The following SPATA31H1 variants were observed in gnomAD, a reference collection of about 807,000 sequenced individuals.
The protein encoded by SPATA31H1 is spermatogenesis-associated protein 31H1.
the SPATA31H1 span, chr2:27,566,970 T>G: frequency 8.1e-5 from 58 of 717,450 alleles, no homozygotes; most frequent in Non-Finnish European, 1.4e-4. Context: ...TTTACCTATT[T>G]CCCACAAAAA....
At chr2:27,544,181 G>A in the SPATA31H1 span, among the ~76,000 whole-genome samples, 1 of 152,058 alleles carries the variant, frequency 6.6e-6, no homozygotes, top group Non-Finnish European at 1.5e-5. Context: ...GTAATAAAAA[G>A]CTTTTTTGTT....
At chr2:27,582,522 C>A in the SPATA31H1 span, 1 of 1,597,560 alleles carries the variant, frequency 6.3e-7, no homozygotes, top group South Asian at 1.1e-5. Flanking sequence ...TGAAGCTACT[C>A]GATGAGGCGA....
At chr2:27,575,046 G>T in the SPATA31H1 span, 9 of 398,448 alleles carry the variant, frequency 2.3e-5, no homozygotes, top group African/African-American at 1.9e-4. This position sits in a 1 kb window ranked among gnomAD's most constrained non-coding sequence, Gnocchi z 4.1. Context: ...ACAGTTACAA[G>T]ATAGAAAATT....
At chr2:27,567,859 G>A in the SPATA31H1 span, 14 of 398,970 alleles carry the variant, frequency 3.5e-5, no homozygotes, top group African/African-American at 2.3e-4. Flanking sequence ...GCACTACTTC[G>A]GGTCATGGAT....
chr2:27,575,321 C>A, the SPATA31H1 span: 1 of 398,506 alleles, frequency 2.5e-6, no homozygotes, highest in Non-Finnish European at 4.4e-6. This position sits in a 1 kb window ranked among gnomAD's most constrained non-coding sequence, Gnocchi z 4.1. Flanking sequence ...CATGGCCAGA[C>A]CTTCAAAGTG....
chr2:27,553,858 G>C, the SPATA31H1 span, among the ~76,000 whole-genome samples: 1 of 151,852 alleles, frequency 6.6e-6, no homozygotes, highest in Admixed American at 6.6e-5. Context: ...GGAGGCGGAG[G>C]TTGCAGTGAG....
the SPATA31H1 span, among the ~76,000 whole-genome samples, chr2:27,561,855 C>G: frequency 6.6e-6 from 1 of 152,180 alleles, no homozygotes; most frequent in Non-Finnish European, 1.5e-5. Context: ...TGTGCCACCA[C>G]GCCCAGCTAG....
At chr2:27,582,660 G>C in the SPATA31H1 span, 9 of 848,226 alleles carry the variant, frequency 1.1e-5, no homozygotes, top group Middle Eastern at 3.2e-4. Flanking sequence ...CTCTCTACCG[G>C]GGGGGAGGCG....
At chr2:27,550,891 TTTC>T in the SPATA31H1 span, among the ~76,000 whole-genome samples, 2 of 151,506 alleles carry the variant, frequency 1.3e-5, no homozygotes, top group Admixed American at 1.3e-4. Flanking sequence ...TTCTTTTCTT[TTTC>T]TTCTTTTTTT....
chr2:27,565,492 GATGT>G, the SPATA31H1 span: 3 of 696,432 alleles, frequency 4.3e-6, no homozygotes, highest in Non-Finnish European at 8.0e-6. Flanking sequence ...TGAAAAAGAG[GATGT>G]AAATGGAAGA....
the SPATA31H1 span, among the ~76,000 whole-genome samples, chr2:27,561,795 C>T: frequency 1.3e-5 from 2 of 152,120 alleles, no homozygotes; most frequent in African/African-American, 2.4e-5. Flanking sequence ...ACCTCCCGGG[C>T]TCAAGTGATC....
the SPATA31H1 span, chr2:27,578,210 G>A: frequency 6.2e-7 from 1 of 1,614,110 alleles, no homozygotes; most frequent in Non-Finnish European, 8.5e-7. Context: ...CTCCAAAACT[G>A]CAATATGTGA....
the SPATA31H1 span, chr2:27,570,433 C>T: frequency 2.0e-5 from 8 of 398,792 alleles, no homozygotes; most frequent in Non-Finnish European, 3.1e-5. Context: ...GGTGTCAATT[C>T]TGCGGATCAA....
chr2:27,546,752 C>T, the SPATA31H1 span, among the ~76,000 whole-genome samples: 5 of 151,866 alleles, frequency 3.3e-5, no homozygotes, highest in East Asian at 1.9e-4. Flanking sequence ...AGTCTGGTCT[C>T]GAACTCCTCA....
the SPATA31H1 span, among the ~76,000 whole-genome samples, chr2:27,553,082 G>A: frequency 6.6e-6 from 1 of 152,118 alleles, no homozygotes; most frequent in Non-Finnish European, 1.5e-5. Flanking sequence ...ACCTGCTCCA[G>A]TGGCTCTACT....
chr2:27,541,299 G>A, the SPATA31H1 span, among the ~76,000 whole-genome samples: 1 of 151,588 alleles, frequency 6.6e-6, no homozygotes, highest in East Asian at 1.9e-4. Context: ...GCAGGCTGAT[G>A]CAGGAGAATC....
the SPATA31H1 span, among the ~76,000 whole-genome samples, chr2:27,553,217 G>A: frequency 2.6e-5 from 4 of 152,206 alleles, no homozygotes; most frequent in South Asian, 2.1e-4. Context: ...TGGCAGCCCC[G>A]ATGATCTCTG....
the SPATA31H1 span, chr2:27,574,956 C>A: frequency 2.3e-5 from 9 of 398,356 alleles, no homozygotes; most frequent in East Asian, 2.8e-4. Context: ...TAGGCCAATG[C>A]GGCAAGATGT....
the SPATA31H1 span, chr2:27,568,501 T>C: frequency 2.5e-6 from 1 of 399,026 alleles, no homozygotes; most frequent in Non-Finnish European, 4.4e-6. Flanking sequence ...TTACAAGCCA[T>C]GGATTTCAGG....
Sources: allele counts gnomAD v4.1 joint callset (sites outside exome capture counted in the v4.1 genomes callset), GRCh38; gene constraint gnomAD v4.1.1; non-coding constraint Gnocchi (gnomAD v3.1); transcripts MANE v1.5; gene names NCBI Gene and HGNC (gene_info 2026-07-23, HGNC 2026-07-21).